The following PTPRE variants were observed in gnomAD, a reference collection of about 807,000 sequenced individuals.
PTPRE encodes the protein receptor-type tyrosine-protein phosphatase epsilon.
PTPRE carries 51 observed loss-of-function variants against 102.0 expected under a neutral mutation model. The observed-to-expected ratio is 0.50, with a 90% CI of 0.40 to 0.63. The LOEUF (loss-of-function observed/expected upper bound fraction) is 0.63, where lower values mean the gene tolerates loss of function less well. Ranked by LOEUF, PTPRE falls within the 30% of genes least tolerant of loss-of-function variation. PTPRE has a pLI of 0.00. For synonymous variants in PTPRE, 345 were observed against 348.2 expected (o/e 0.99, Z 0.10); for missense variants, 752 against 915.1 (o/e 0.82, Z 2.30).
intron 6 of PTPRE, among the ~76,000 whole-genome samples, chr10:128,051,026 T>C (rs754997859): frequency 1.3e-5 from 2 of 152,222 alleles, no homozygotes; most frequent in South Asian, 4.1e-4. Flanking sequence ...TTAGGTCATA[T>C]TGAAAGACAG....
intron 1 of PTPRE, among the ~76,000 whole-genome samples, chr10:127,908,658 T>A (rs1377926782): frequency 1.3e-5 from 2 of 151,962 alleles, no homozygotes; most frequent in East Asian, 3.9e-4. Context: ...AGAGGCGAGG[T>A]GGAGCAGGCC....
intron 1 of PTPRE, among the ~76,000 whole-genome samples, chr10:127,922,806 G>A (rs118187694): frequency 0.049 from 7,406 of 152,306 alleles, 196 homozygotes; most frequent in Middle Eastern, 0.11. Flanking sequence ...TTTCTGCCCA[G>A]GTTCCTTTCT....
chr10:128,011,565 C>T (rs1021386367), intron 2 of PTPRE, among the ~76,000 whole-genome samples: 5 of 152,324 alleles, frequency 3.3e-5, no homozygotes, highest in South Asian at 4.1e-4. Flanking sequence ...GGCGCATGCG[C>T]GGAAGCGTCC....
chr10:128,073,799 T>A (rs1850989533), intron 17 of PTPRE, among the ~76,000 whole-genome samples: 1 of 152,228 alleles, frequency 6.6e-6, no homozygotes, highest in Non-Finnish European at 1.5e-5. Flanking sequence ...TTTCAAGACA[T>A]GAAGACAACA....
At chr10:127,911,695 G>A (rs762971549) in intron 1 of PTPRE, among the ~76,000 whole-genome samples, 1 of 152,178 alleles carries the variant, frequency 6.6e-6, no homozygotes, top group Non-Finnish European at 1.5e-5. Context: ...ATCCCAGGCA[G>A]GGAGGCCTCC....
chr10:128,029,970 C>A (rs988245999), intron 2 of PTPRE, among the ~76,000 whole-genome samples: 18 of 152,214 alleles, frequency 1.2e-4, no homozygotes, highest in Non-Finnish European at 2.4e-4. Context: ...TCCATCCCCC[C>A]ACCAATCATC....
At chr10:128,048,361 A>G (rs923749790) in intron 5 of PTPRE, among the ~76,000 whole-genome samples, 5 of 152,156 alleles carry the variant, frequency 3.3e-5, no homozygotes, top group Non-Finnish European at 5.9e-5. Context: ...CTCTCCATAC[A>G]TAGAGATGAG....
chr10:127,955,791 T>C (rs1345523190), intron 1 of PTPRE, among the ~76,000 whole-genome samples: 1 of 152,170 alleles, frequency 6.6e-6, no homozygotes, highest in Non-Finnish European at 1.5e-5. Flanking sequence ...ACAGGAAGCA[T>C]GACTGGGAAG....
chr10:127,922,305 A>G (rs1036324937), intron 1 of PTPRE, among the ~76,000 whole-genome samples: 1 of 152,254 alleles, frequency 6.6e-6, no homozygotes, highest in Non-Finnish European at 1.5e-5. Context: ...AACAAAACCC[A>G]TAGGTGCCCT....
intron 2 of PTPRE, among the ~76,000 whole-genome samples, chr10:127,986,703 AG>A (rs1852118537): frequency 6.6e-6 from 1 of 152,132 alleles, no homozygotes; most frequent in Non-Finnish European, 1.5e-5. Context: ...CTACCATGAC[AG>A]GAAAAAAAAA....
chr10:128,075,337 C>A (rs1851133165), intron 17 of PTPRE, among the ~76,000 whole-genome samples: 1 of 152,212 alleles, frequency 6.6e-6, no homozygotes, highest in African/African-American at 2.4e-5. Context: ...AGTTTTGTTA[C>A]ATAGGTATAC....
intron 1 of PTPRE, among the ~76,000 whole-genome samples, chr10:127,968,491 G>A (rs946667143): frequency 2.0e-5 from 3 of 152,242 alleles, no homozygotes; most frequent in Admixed American, 2.0e-4. Context: ...TGTCCTGGGA[G>A]CAGTCAGCCA....
rs765464705 is a variant in PTPRE, at chr10:128,070,319, T to C, written c.1162T>C (p.Tyr388His). Residue 388 changes from tyrosine (Y) to histidine (H), a missense_variant, in exon 14 of 21, where the codon TAC becomes CAC. Physicochemically the swap from Tyr to His is moderately conservative, Grantham distance 83. Transcript: ENST00000254667. This position sits in a 1 kb window ranked among gnomAD's most constrained non-coding sequence, Gnocchi z 4.8. ...VQTDMQYTFI[Y>H]QALLEYYLYG... ...TCTGCAGATGCAGTACACGTTCATC[T>C]ACCAAGCCTTACTCGAGTACTACCT... 2 of 1,612,554 alleles carry C rather than the reference T, an allele frequency of 1.2e-6. No individual in the cohort carries two copies. The highest frequency in any genetic ancestry group is 2.7e-5 in the African/African-American group (2 of 74,908).
intron 11 of PTPRE, among the ~76,000 whole-genome samples, chr10:128,066,460 C>A (rs1187685180): frequency 6.6e-6 from 1 of 152,202 alleles, no homozygotes; most frequent in Non-Finnish European, 1.5e-5. Context: ...GGAGGAAGAC[C>A]AGTCATTGGA....
intron 6 of PTPRE, among the ~76,000 whole-genome samples, chr10:128,051,772 G>T (rs1848583906): frequency 6.6e-6 from 1 of 152,228 alleles, no homozygotes; most frequent in Non-Finnish European, 1.5e-5. Flanking sequence ...GAGACGCGGT[G>T]GAGGGGAAGA....
intron 17 of PTPRE, among the ~76,000 whole-genome samples, chr10:128,074,221 CT>C (rs1851032173): frequency 6.6e-6 from 1 of 152,224 alleles, no homozygotes; most frequent in South Asian, 2.1e-4. Flanking sequence ...TAGCATCATG[CT>C]TTCAAGGTTC....
intron 11 of PTPRE, among the ~76,000 whole-genome samples, chr10:128,067,172 A>T (rs1298496484): frequency 6.7e-6 from 1 of 148,984 alleles, no homozygotes; most frequent in Non-Finnish European, 1.5e-5. Context: ...ACATGCACAC[A>T]TGCACACATT....
intron 1 of PTPRE, among the ~76,000 whole-genome samples, chr10:127,935,626 C>T (rs900671508): frequency 6.6e-6 from 1 of 152,156 alleles, no homozygotes; most frequent in African/African-American, 2.4e-5. Flanking sequence ...GGCACGTTCT[C>T]TGACCTCTTC....
chr10:128,045,822 A>G (rs1370529127), intron 3 of PTPRE, among the ~76,000 whole-genome samples: 2 of 152,204 alleles, frequency 1.3e-5, no homozygotes, highest in African/African-American at 4.8e-5. Context: ...GCACCAACCG[A>G]ACCTTGTGTG....
Sources: allele counts gnomAD v4.1 joint callset (sites outside exome capture counted in the v4.1 genomes callset), GRCh38; gene constraint gnomAD v4.1.1; non-coding constraint Gnocchi (gnomAD v3.1); transcripts MANE v1.5; gene names NCBI Gene and HGNC (gene_info 2026-07-23, HGNC 2026-07-21).